The following OR6C1 variants were observed in gnomAD, a reference collection of about 807,000 sequenced individuals.
The protein encoded by OR6C1 is olfactory receptor 6C1.
For synonymous variants in OR6C1, 157 were observed against 133.3 expected, an observed-to-expected ratio of 1.18 and a Z score of -1.22; for missense variants, 386 against 366.1, an observed-to-expected ratio of 1.05 and a Z score of -0.44.
rs1354725828 is a variant in OR6C1 at position 55,321,236 on chromosome 12, T to G, written c.637T>G (p.Phe213Val). The G allele has an allele frequency of 6.2e-7, 1 of 1,613,902 alleles. No homozygotes were observed. The highest frequency in any genetic ancestry group is 1.3e-5 in the African/African-American group (1 of 74,942). The change falls in exon 2 of 2, where the codon TTT becomes GTT. Residue 213 changes from phenylalanine (F) to valine (V), a missense_variant. Physicochemically the swap from Phe to Val is conservative, Grantham distance 50. Transcript: ENST00000642104. The stretch of plus-strand genomic sequence containing the variant: ...TCTAATGTTCACTTTGGCATTAATA[T>G]TTCTGTCCTACATATACATTATCAG... ...FTLMFTLALIFLSYIYIIRTI... is the reference protein window; with the variant it reads ...FTLMFTLALIVLSYIYIIRTI...
At chr12:55,317,404 C>T (rs1868428007) in intron 1 of OR6C1, among the ~76,000 whole-genome samples, 1 of 151,982 alleles carries the variant, frequency 6.6e-6, no homozygotes, top group African/African-American at 2.4e-5. Flanking sequence ...AAATGTGGTT[C>T]CCTTTTCATA....
Position 55,320,639 on chromosome 12 carries a change from G to C in OR6C1, c.40G>C (p.Gly14Arg), listed in dbSNP as rs757667112. 4 of 1,611,868 alleles carry C rather than the reference G, an allele frequency of 2.5e-6. No individual in the cohort carries two copies. The highest frequency in any genetic ancestry group is 3.4e-6 in the Non-Finnish European group (4 of 1,178,504). ...AGAAATAACAGAGTTTATTCTTCTG[G>C]GATTAACAGATGACCCAAATTTTCA... is the stretch of plus-strand genomic sequence containing the variant. ...HTEITEFILL[G>R]LTDDPNFQVV... The change falls in exon 2 of 2, where the codon GGA becomes CGA. Residue 14 changes from glycine to arginine, a missense_variant. Transcript: ENST00000642104.
At position 55,320,872 on chromosome 12, in the gene OR6C1, C is replaced by T. The variant is rs761233931; in HGVS notation, c.273C>T (p.Ser91=). The change falls in exon 2 of 2, where the codon TCC becomes TCT. Residue 91 remains serine, a synonymous_variant. Transcript: ENST00000642104. The part of the protein sequence containing the change: ...GNIISGDKTI[S]FNNCIVQLFF... ...TTATTTCAGGAGATAAAACCATTTC[C>T]TTTAATAATTGCATAGTTCAGTTAT... 19 of 1,613,800 alleles carry T rather than the reference C, an allele frequency of 1.2e-5. No individual in the cohort carries two copies.
At chr12:55,320,351 A>G (rs1868508914) in intron 1 of OR6C1, among the ~76,000 whole-genome samples, 1 of 152,182 alleles carries the variant, frequency 6.6e-6, no homozygotes, top group South Asian at 2.1e-4. Context: ...TACCACTTCC[A>G]ACTGTGATAA....
chr12:55,317,993 A>T (rs1210382811), intron 1 of OR6C1, among the ~76,000 whole-genome samples: 1 of 149,556 alleles, frequency 6.7e-6, no homozygotes. Context: ...ATATACATAC[A>T]CATATATACA....
intron 1 of OR6C1, among the ~76,000 whole-genome samples, chr12:55,317,962 C>T (rs190398532): frequency 0.039 from 5,713 of 147,824 alleles, 379 homozygotes; most frequent in African/African-American, 0.13. Flanking sequence ...TACACACACA[C>T]ACACACATAT....
In OR6C1 at chr12:55,318,151, C is replaced by A. The variant is rs932701705; in HGVS notation, c.-33-2416C>A. On this transcript the variant is annotated intron_variant, in intron 1 of 1. Coordinates refer to ENST00000642104, the MANE Select transcript of OR6C1 (RefSeq NM_001005182.2). The stretch of plus-strand genomic sequence containing the variant: ...TACTAATGAAGAGCAGAGAAAATAA[C>A]TGGCTGTGAGTAGCAATGTTGACAA... Among the ~76,000 whole-genome samples, 5 of 150,930 alleles carry A rather than the reference C, an allele frequency of 3.3e-5. No individual in the cohort carries two copies. In the East Asian group the frequency reaches 5.8e-4, roughly 18 times the overall value.
At chr12:55,317,079 A>G (rs1868422213) in intron 1 of OR6C1, among the ~76,000 whole-genome samples, 1 of 151,982 alleles carries the variant, frequency 6.6e-6, no homozygotes, top group Admixed American at 6.6e-5. Context: ...GCATTGATAC[A>G]TTATTCACTA....
At chr12:55,317,621 A>T (rs1025170191) in intron 1 of OR6C1, among the ~76,000 whole-genome samples, 1 of 151,942 alleles carries the variant, frequency 6.6e-6, no homozygotes, top group African/African-American at 2.4e-5. Flanking sequence ...TTAATTAATT[A>T]ATTAACTAGA....
intron 1 of OR6C1, among the ~76,000 whole-genome samples, chr12:55,315,695 A>G (rs898221202): frequency 2.6e-5 from 4 of 151,884 alleles, no homozygotes; most frequent in East Asian, 1.9e-4. Flanking sequence ...CAAGCACTCA[A>G]TGAATTTTCC....
chr12:55,320,870 TCCTTTA>T lies in OR6C1; in HGVS notation c.272_277del (p.Ser91_Asn93delinsTyr). The stretch of plus-strand genomic sequence containing the variant: ...CATTATTTCAGGAGATAAAACCATT[TCCTTTA>T]ATAATTGCATAGTTCAGTTATTTTT... On this transcript the variant is annotated inframe_deletion, in exon 2 of 2. Coordinates refer to ENST00000642104, the MANE Select transcript of OR6C1 (RefSeq NM_001005182.2). The T allele has an allele frequency of 6.2e-7, 1 of 1,614,002 alleles. No homozygotes were observed. Among genetic ancestry groups the T allele is most frequent in the Non-Finnish European group, 8.5e-7 (1 of 1,179,912 alleles).
intron 1 of OR6C1, among the ~76,000 whole-genome samples, chr12:55,316,117 ACACACACACACACC>A (rs1452104767): frequency 2.3e-4 from 33 of 142,802 alleles, no homozygotes; most frequent in African/African-American, 8.2e-4. Flanking sequence ...ACACACACAC[ACACACACACACACC>A]CCCCGAGAGA....
At chr12:55,317,846 G>A (rs1868435962) in intron 1 of OR6C1, among the ~76,000 whole-genome samples, 1 of 150,094 alleles carries the variant, frequency 6.7e-6, no homozygotes, top group African/African-American at 2.4e-5. Context: ...TAGTGTTGTA[G>A]AAATAAGAAC....
intron 1 of OR6C1, among the ~76,000 whole-genome samples, chr12:55,318,252 GTGTGTGTGT>G (rs1406569608): frequency 2.1e-4 from 31 of 149,010 alleles, no homozygotes; most frequent in African/African-American, 7.8e-4. Flanking sequence ...GTGTGTGTGT[GTGTGTGTGT>G]GTGGTGGTGG....
chr12:55,315,107 C>T (rs1311674319), intron 1 of OR6C1, among the ~76,000 whole-genome samples: 1 of 151,470 alleles, frequency 6.6e-6, no homozygotes, highest in African/African-American at 2.4e-5. Flanking sequence ...TTCCTAGAAC[C>T]TACTAAATGC....
At chr12:55,318,122 T>C (rs1868444192) in intron 1 of OR6C1, among the ~76,000 whole-genome samples, 1 of 151,314 alleles carries the variant, frequency 6.6e-6, no homozygotes, top group South Asian at 2.1e-4. Flanking sequence ...TTTAGAAGGG[T>C]TATTACTAAT....
At chr12:55,316,359 T>C (rs543562486) in intron 1 of OR6C1, among the ~76,000 whole-genome samples, 2 of 151,972 alleles carry the variant, frequency 1.3e-5, no homozygotes, top group South Asian at 2.1e-4. Flanking sequence ...AGATGCTTTG[T>C]AACCATTTTA....
In OR6C1 at chr12:55,321,054, T is replaced by C. The variant is rs1868534542; in HGVS notation, c.455T>C (p.Leu152Ser). 6.2e-7 allele frequency: 1 copy of C among 1,613,598 alleles called. No individual in the cohort carries two copies. Among genetic ancestry groups the C allele is most frequent in the African/African-American group, 1.3e-5 (1 of 74,906 alleles). Residue 152 changes from leucine to serine, a missense_variant, in exon 2 of 2, where the codon TTA becomes TCA. By Grantham distance (145) the Leu-to-Ser change is moderately radical. Transcript: ENST00000642104. ...TTTACTTCTTGGCTGGTTTCATTCT[T>C]AATCATATTCCCAGCACTCATGTTG... ...LVFTSWLVSF[L>S]IIFPALMLLL...
Position 55,320,842 on chromosome 12 carries a change from T to A in OR6C1, c.243T>A (p.Gly81=). ...FTTVSIPKFL[G]NIISGDKTIS... is the part of the protein sequence containing the mutation. ...CCGTCAGTATACCCAAGTTTCTGGGTAACATTATTTCAGGAGATAAAACCA... is the reference window on the plus strand; with the variant it reads ...CCGTCAGTATACCCAAGTTTCTGGGAAACATTATTTCAGGAGATAAAACCA... The change falls in exon 2 of 2, where the codon GGT becomes GGA. Residue 81 remains glycine (G), a synonymous_variant. Coordinates refer to ENST00000642104, the MANE Select transcript of OR6C1 (RefSeq NM_001005182.2). The A allele has an allele frequency of 6.2e-7, 1 of 1,613,598 alleles. No homozygotes were observed. The highest frequency in any genetic ancestry group is 8.5e-7 in the Non-Finnish European group (1 of 1,179,620).
Sources: gnomAD v4.1 joint callset for allele counts (sites outside exome capture counted in the v4.1 genomes callset) on GRCh38, gnomAD v4.1.1 for gene constraint, MANE v1.5 for transcripts, NCBI Gene and HGNC (gene_info 2026-07-23, HGNC 2026-07-21) for gene names.